Variants in HK1 observed in about 807,000 individuals in gnomAD.
HK1 encodes the protein hexokinase 1.
Under a neutral mutation model 91.6 loss-of-function variants are expected in HK1, and 28 were observed. The ratio of observed to expected loss-of-function variants is 0.31; its 90% CI spans 0.23 to 0.42. HK1 has a LOEUF of 0.42. Among genes scored for constraint, HK1 ranks in the 10% least tolerant of loss-of-function variants. The pLI, the probability that HK1 is intolerant of heterozygous loss-of-function variation, is 1.00. For synonymous variants in HK1, 430 were observed against 468.1 expected, an observed-to-expected ratio of 0.92 and a Z score of 1.05; for missense variants, 770 against 1,219.8, an observed-to-expected ratio of 0.63 and a Z score of 5.49.
At chr10:69,390,682 G>A (rs892921952) in intron 14 of HK1, among the ~76,000 whole-genome samples, 2 of 152,152 alleles carry the variant, frequency 1.3e-5, no homozygotes, top group Non-Finnish European at 2.9e-5. Flanking sequence ...GTGCCCTCCC[G>A]ATGAAAGTTC....
intron 3 of HK1, among the ~76,000 whole-genome samples, chr10:69,294,494 G>A (rs969068030): frequency 1.3e-5 from 2 of 152,160 alleles, no homozygotes; most frequent in East Asian, 3.8e-4. Flanking sequence ...AGTTGAGGCA[G>A]GTGGATCACT....
At position 69,382,343 on chromosome 10, in the gene HK1, C is replaced by T. The variant is rs1839429605; in HGVS notation, c.1266-144C>T. On this transcript the variant is annotated intron_variant, in intron 9 of 17. Coordinates refer to ENST00000359426, the MANE Select transcript of HK1 (RefSeq NM_000188.3). Reference sequence around the variant, plus strand: ...TGAGCTGTGATTGTGCCATTGCACTCCAGCCTGGGTGACAGAGCAAGACCC... The same window carrying T: ...TGAGCTGTGATTGTGCCATTGCACTTCAGCCTGGGTGACAGAGCAAGACCC... The T allele has an allele frequency of 5.8e-6, 5 of 868,522 alleles. 1 individual carries two copies. The South Asian group carries it at 7.5e-5, about 13-fold the overall frequency. 53.8% of individuals were successfully genotyped at this position (868,522 alleles called of 1,614,324 possible). A position where few individuals can be genotyped will look rare whatever the true frequency, so the allele number is the denominator to read the frequency against.
intron 2 of HK1, among the ~76,000 whole-genome samples, chr10:69,284,123 C>A (rs976881316): frequency 1.3e-5 from 2 of 152,100 alleles, no homozygotes; most frequent in Non-Finnish European, 2.9e-5. Context: ...TCCTCTACTA[C>A]CCTCAGGGTT....
chr10:69,291,367 C>T (rs953159108), intron 3 of HK1, among the ~76,000 whole-genome samples: 2 of 152,198 alleles, frequency 1.3e-5, no homozygotes, highest in African/African-American at 4.8e-5. Flanking sequence ...GATTTGGTCC[C>T]ATCAATTAGC....
In HK1 at chr10:69,335,096, G is replaced by A. The variant is rs534138293; in HGVS notation, c.64-8731G>A. Among the ~76,000 whole-genome samples the A allele has an allele frequency of 2.0e-3, 309 of 152,216 alleles. 3 individuals carry two copies. The highest frequency in any genetic ancestry group is 4.0e-3 in the Non-Finnish European group (275 of 68,004). The stretch of plus-strand genomic sequence containing the variant: ...CACTAGATCAGGGCTGCCTCCCCTC[G>A]TGGCCATTTCCCTCCCTGCTCAGAG... On this transcript the variant is annotated intron_variant, in intron 1 of 17. Transcript: ENST00000359426.
rs192000748 is a variant in HK1, at chr10:69,400,795, T to C, written c.2610-196T>C. ...TTCTAAGCAGCCTGCCTCCCAACCA[T>C]GTTCACCCTCCTTGTTGTTGGGTTC... On this transcript the variant is annotated intron_variant, in intron 17 of 17. Coordinates refer to ENST00000359426, the MANE Select transcript of HK1 (RefSeq NM_000188.3). 2.0e-5 allele frequency among the ~76,000 whole-genome samples: 3 copies of C among 152,292 alleles called. No individual in the cohort carries two copies. In the East Asian group the frequency reaches 5.8e-4, roughly 29 times the overall value.
intron 13 of HK1, chr10:69,386,751 C>T (rs1424816443): frequency 1.3e-5 from 3 of 232,392 alleles, no homozygotes; most frequent in Middle Eastern, 1.7e-3. Context: ...TGCACTACAG[C>T]CTGGGCGACA....
intron 1 of HK1, among the ~76,000 whole-genome samples, chr10:69,270,498 G>A (rs1844102956): frequency 1.3e-5 from 2 of 151,950 alleles, no homozygotes. Flanking sequence ...CAGGAGAATT[G>A]CTTGAACCCA....
At chr10:69,396,359 C>T (rs188503281) in intron 16 of HK1, among the ~76,000 whole-genome samples, 157 of 152,140 alleles carry the variant, frequency 1.0e-3, no homozygotes, top group African/African-American at 3.5e-3. Context: ...TGCTCTTACC[C>T]AGGCAAAATG....
intron 5 of HK1, 31 bp downstream of exon 5, chr10:69,368,662 A>G (rs1231204826): frequency 5.8e-6 from 9 of 1,548,634 alleles, no homozygotes; most frequent in African/African-American, 1.4e-5. Flanking sequence ...TGCCTCAGCC[A>G]TGCAGGGGTG....
Position 69,323,539 on chromosome 10 carries a change from AG to A in HK1, c.63+4530del, listed in dbSNP as rs1373818548. Among the ~76,000 whole-genome samples, 53 of 150,026 alleles carry A rather than the reference AG, an allele frequency of 3.5e-4. 1 individual carries two copies. The East Asian group carries it at 9.8e-3, about 28-fold the overall frequency. Reference sequence around the variant, plus strand: ...CTGTCTCAAAAAAAAAAAAAAAAAAAGAAGAAAGAAAATTATGAGAAGTGTC... The same window carrying A: ...CTGTCTCAAAAAAAAAAAAAAAAAAAAAGAAAGAAAATTATGAGAAGTGTC... On this transcript the variant is annotated intron_variant, in intron 1 of 17. Transcript: ENST00000359426.
At chr10:69,354,714 C>G (rs767909346) in intron 2 of HK1, among the ~76,000 whole-genome samples, 1 of 152,132 alleles carries the variant, frequency 6.6e-6, no homozygotes, top group Non-Finnish European at 1.5e-5. Context: ...CTGAGCTGTC[C>G]TGGGTGCCAA....
rs75461980 is a variant in HK1 at position 69,288,596 on chromosome 10, T to G, written c.-214-75T>G. On this transcript the variant is annotated intron_variant, in intron 2 of 21. Transcript: ENST00000360289. Reference sequence around the variant, plus strand: ...GGTTCTCAGTATTAGGGTGTTTAGCTTCCTAATTGGTGAGGACAAAAATGA... The same window carrying G: ...GGTTCTCAGTATTAGGGTGTTTAGCGTCCTAATTGGTGAGGACAAAAATGA... 202 of 785,096 alleles carry G rather than the reference T, an allele frequency of 2.6e-4. 1 individual carries two copies. In the East Asian group the frequency reaches 4.7e-3, roughly 18 times the overall value. 48.6% of individuals were successfully genotyped at this position (785,096 alleles called of 1,614,324 possible). A position where few individuals can be genotyped will look rare whatever the true frequency, so the allele number is the denominator to read the frequency against.
At chr10:69,307,540 AG>A (rs2132522001) in intron 5 of HK1, among the ~76,000 whole-genome samples, 1 of 152,302 alleles carries the variant, frequency 6.6e-6, no homozygotes, top group South Asian at 2.1e-4. Flanking sequence ...CGGAATGACA[AG>A]GTGGGCTGGA....
chr10:69,371,878 G>T (rs1850023046), intron 7 of HK1, among the ~76,000 whole-genome samples: 1 of 152,280 alleles, frequency 6.6e-6, no homozygotes, highest in Middle Eastern at 3.4e-3. Flanking sequence ...CTAAATGGGG[G>T]TACAGATGAG....
At chr10:69,375,539 A>G (rs951589061) in intron 7 of HK1, among the ~76,000 whole-genome samples, 1 of 152,098 alleles carries the variant, frequency 6.6e-6, no homozygotes, top group Non-Finnish European at 1.5e-5. Context: ...AACAATGAGG[A>G]CTGTGTTTTT....
intron 1 of HK1, among the ~76,000 whole-genome samples, chr10:69,275,211 A>T (rs1844373104): frequency 1.1e-5 from 1 of 88,270 alleles, no homozygotes; most frequent in East Asian, 6.9e-4. Context: ...ATTAAAAAAA[A>T]AAAACCAAAA....
chr10:69,322,150 A>G (rs1048877983), intron 1 of HK1, among the ~76,000 whole-genome samples: 4 of 152,234 alleles, frequency 2.6e-5, no homozygotes, highest in Admixed American at 1.3e-4. Flanking sequence ...CAGGAAGGTC[A>G]GAACTTGGCT....
chr10:69,294,052 G>A (rs1022138647), intron 3 of HK1, among the ~76,000 whole-genome samples: 5 of 151,718 alleles, frequency 3.3e-5, no homozygotes, highest in East Asian at 1.9e-4. Context: ...TAGTAGAGAC[G>A]GGGTTTCACC....
Sources: gnomAD v4.1 joint callset for allele counts (sites outside exome capture counted in the v4.1 genomes callset) on GRCh38, gnomAD v4.1.1 for gene constraint, MANE v1.5 for transcripts, NCBI Gene and HGNC (gene_info 2026-07-23, HGNC 2026-07-21) for gene names.